MYCBP: variants seen among roughly 807,000 people sequenced by gnomAD.
MYCBP encodes the protein C-Myc-binding protein.
MYCBP carries 5 observed loss-of-function variants against 16.8 expected under a neutral mutation model. That is an observed-to-expected ratio of 0.30 (90% CI 0.16 to 0.63). The LOEUF (loss-of-function observed/expected upper bound fraction) is 0.63. MYCBP is among the 20% of genes least tolerant of loss of function. MYCBP has a pLI of 0.83. For missense variants in MYCBP, 103 were observed against 121.8 expected, an observed-to-expected ratio of 0.85 and a Z score of 0.73; for synonymous variants, 35 against 43.7, an observed-to-expected ratio of 0.80 and a Z score of 0.79.
At chr1:38,866,149 A>G (rs1642333617) in intron 4 of MYCBP, among the ~76,000 whole-genome samples, 2 of 139,278 alleles carry the variant, frequency 1.4e-5, no homozygotes, top group South Asian at 4.6e-4. Flanking sequence ...CCCGGGTTCA[A>G]GCAATTCTCC....
intron 2 of MYCBP, among the ~76,000 whole-genome samples, chr1:38,868,043 GA>G (rs1642375494): frequency 1.3e-5 from 2 of 152,232 alleles, no homozygotes; most frequent in African/African-American, 4.8e-5. Flanking sequence ...AAGGAAGCTG[GA>G]AAGGTGGTCA....
At position 38,864,510 on chromosome 1, in the gene MYCBP, G is replaced by C; in HGVS notation, c.*160C>G. ...TAAGACCCAAAGAAAGTTATATTGA[G>C]TTTTTATTGATGATTCTATGTGTTT... On this transcript the variant is annotated 3_prime_UTR_variant, in exon 5 of 5. Transcript: ENST00000397572. The C allele has an allele frequency of 1.3e-6, 1 of 764,122 alleles. No individual in the cohort carries two copies. Among genetic ancestry groups the C allele is most frequent in the Non-Finnish European group, 2.1e-6 (1 of 466,824 alleles). 47.3% of individuals were successfully genotyped at this position (764,122 alleles called of 1,614,324 possible).
intron 4 of MYCBP, among the ~76,000 whole-genome samples, 161 bp downstream of exon 4, chr1:38,866,719 T>C (rs1410653270): frequency 1.3e-5 from 2 of 152,178 alleles, no homozygotes; most frequent in Non-Finnish European, 2.9e-5. Context: ...CAGGCCCGTC[T>C]TGTGGTTTTC....
chr1:38,871,159 T>C (rs1642456373), intron 2 of MYCBP, among the ~76,000 whole-genome samples: 1 of 152,122 alleles, frequency 6.6e-6, no homozygotes, highest in African/African-American at 2.4e-5. Flanking sequence ...CACAATCGCT[T>C]GAACCCGGAG....
chr1:38,867,445 T>C, intron 3 of MYCBP, 117 bp downstream of exon 3: 1 of 733,358 alleles, frequency 1.4e-6, no homozygotes, highest in African/African-American at 2.7e-5. Flanking sequence ...AGACTCCGTC[T>C]CAAAAAAAAA....
At position 38,866,877 on chromosome 1, in the gene MYCBP, T is replaced by C. The variant is rs552247520; in HGVS notation, c.267+3A>G. 7 of 1,525,036 alleles carry C rather than the reference T, an allele frequency of 4.6e-6. No individual in the cohort carries two copies. In the African/African-American group the frequency reaches 8.4e-5, roughly 18 times the overall value. 94.5% of individuals were successfully genotyped at this position (1,525,036 alleles called of 1,614,324 possible). On this transcript the variant is annotated splice_donor_region_variant and intron_variant, in intron 4 of 4. Transcript: ENST00000397572. ...TGAATATGAATTCTTTTTAAAAATT[T>C]ACCTTTGCTTTCAGTTTTTTATTTT...
In MYCBP at chr1:38,864,442, G is replaced by A. The variant is rs1311408920; in HGVS notation, c.*228C>T. ...TTTTAAGGTAATGAGTTAGATGGCT[G>A]TGTTTAGGTTTTGTTCAGGATTTAC... On this transcript the variant is annotated 3_prime_UTR_variant, in exon 5 of 5. Coordinates refer to ENST00000397572, the MANE Select transcript of MYCBP (RefSeq NM_012333.5). 4.7e-5 allele frequency: 26 copies of A among 558,952 alleles called. No homozygotes were observed. The East Asian group carries it at 8.0e-4, about 17-fold the overall frequency. The allele number at this position is 558,952 out of a possible 1,614,324, so 34.6% of individuals were successfully genotyped here. A position where few individuals can be genotyped will look rare whatever the true frequency, so the allele number is the denominator to read the frequency against.
chr1:38,872,654 A>T (rs1642490101), intron 2 of MYCBP: 1 of 233,698 alleles, frequency 4.3e-6, no homozygotes. Flanking sequence ...GTTGGAGGGA[A>T]ACTTTCTTAA....
In MYCBP at chr1:38,870,792, T is replaced by C. The variant is rs561338766; in HGVS notation, c.88+2226A>G. On this transcript the variant is annotated intron_variant, in intron 2 of 4. Transcript: ENST00000397572. ...TCCGGCCTGGGCGACAGAGCGAGAC[T>C]CCGTCTCAAAAAAAAAAAAAAAAAA... is the stretch of plus-strand genomic sequence containing the variant. Among the ~76,000 whole-genome samples the C allele has an allele frequency of 1.3e-4, 10 of 79,908 alleles. No homozygotes were observed. The East Asian group carries it at 3.5e-3, about 28-fold the overall frequency. 52.4% of individuals were successfully genotyped at this position (79,908 alleles called of 152,430 possible). A position where few individuals can be genotyped will look rare whatever the true frequency, so the allele number is the denominator to read the frequency against.
intron 2 of MYCBP, among the ~76,000 whole-genome samples, chr1:38,869,255 A>AT (rs61248010): frequency 6.6e-6 from 1 of 151,716 alleles, no homozygotes; most frequent in Non-Finnish European, 1.5e-5. Context: ...TGCCCGGCTA[A>AT]TTTTGTATTT....
At chr1:38,869,323 G>A (rs777403402) in intron 2 of MYCBP, among the ~76,000 whole-genome samples, 28 of 152,012 alleles carry the variant, frequency 1.8e-4, no homozygotes, top group Admixed American at 3.3e-4. Context: ...CCCAGCCTCA[G>A]GTGATCCACC....
intron 2 of MYCBP, among the ~76,000 whole-genome samples, chr1:38,868,258 G>C (rs966187495): frequency 4.6e-5 from 7 of 152,168 alleles, no homozygotes; most frequent in Non-Finnish European, 1.0e-4. Flanking sequence ...GGGAGTGAGA[G>C]AACAGTGAGA....
At chr1:38,867,077 T>G in intron 3 of MYCBP, 68 bp from the exon 4 acceptor site, 2 of 1,425,568 alleles carry the variant, frequency 1.4e-6, no homozygotes, top group South Asian at 2.4e-5. Context: ...CAGAGTAGTA[T>G]CAATATCCCT....
chr1:38,866,703 C>G (rs1010286136), intron 4 of MYCBP, among the ~76,000 whole-genome samples, 177 bp downstream of exon 4: 1 of 152,224 alleles, frequency 6.6e-6, no homozygotes, highest in Non-Finnish European at 1.5e-5. Flanking sequence ...GCGTAAGCCA[C>G]CGTGCCAGGC....
intron 2 of MYCBP, among the ~76,000 whole-genome samples, chr1:38,871,335 GTTTC>G (rs1642461510): frequency 6.7e-6 from 1 of 148,776 alleles, no homozygotes; most frequent in Admixed American, 6.8e-5. Flanking sequence ...CTGAAACTCT[GTTTC>G]TTTCAGGTTT....
At chr1:38,867,473 C>A in intron 3 of MYCBP, 89 bp downstream of exon 3, 60 of 927,456 alleles carry the variant, frequency 6.5e-5, no homozygotes, top group Non-Finnish European at 8.7e-5. Context: ...AAGTAACTTT[C>A]TCAATATTCA....
intron 2 of MYCBP, among the ~76,000 whole-genome samples, chr1:38,869,644 C>T (rs543773529): frequency 1.9e-4 from 29 of 152,298 alleles, no homozygotes; most frequent in African/African-American, 7.0e-4. Flanking sequence ...TGATATAGCG[C>T]TCAAAATAGC....
chr1:38,869,096 T>G (rs1642404456), intron 2 of MYCBP, among the ~76,000 whole-genome samples: 1 of 149,742 alleles, frequency 6.7e-6, no homozygotes. Context: ...TTTTTTTTGT[T>G]TTTTTTTTTG....
At chr1:38,869,808 A>G (rs1415672990) in intron 2 of MYCBP, among the ~76,000 whole-genome samples, 4 of 152,066 alleles carry the variant, frequency 2.6e-5, no homozygotes, top group African/African-American at 9.7e-5. Context: ...TGAGAGGCCA[A>G]GACAGGAGGA....
Sources: gnomAD v4.1 joint callset for allele counts (sites outside exome capture counted in the v4.1 genomes callset) on GRCh38, gnomAD v4.1.1 for gene constraint, MANE v1.5 for transcripts, NCBI Gene and HGNC (gene_info 2026-07-23, HGNC 2026-07-21) for gene names.